COL7A1: variants seen among roughly 807,000 people sequenced by gnomAD.
COL7A1 encodes the protein collagen type VII alpha 1 chain.
A neutral mutation model predicts 456.2 loss-of-function variants in COL7A1; 296 were observed. The observed-to-expected ratio is 0.65, with a 90% CI of 0.59 to 0.71. The LOEUF (loss-of-function observed/expected upper bound fraction) is 0.71. Among genes scored for constraint, COL7A1 ranks in the 30% least tolerant of loss-of-function variants. The pLI is 0.00. For missense variants in COL7A1, 3,441 were observed against 4,017.2 expected (o/e 0.86, Z 3.88); for synonymous variants, 1,464 against 1,525.9 (o/e 0.96, Z 0.95).
Position 48,564,826 on chromosome 3 carries a change from G to C in COL7A1, c.8775C>G (p.Cys2925Trp), listed in dbSNP as rs769046056. 1 of 1,613,858 alleles carries C rather than the reference G, an allele frequency of 6.2e-7. No individual in the cohort carries two copies. The highest frequency in any genetic ancestry group is 1.3e-5 in the African/African-American group (1 of 74,900). The change falls in exon 118 of 119, where the codon TGC becomes TGG. Residue 2925 changes from cysteine to tryptophan, a missense_variant. This residue lies in a region of COL7A1 where 2,084 missense variants were observed against 2,501.3 expected (regional missense o/e 0.83). Transcript: ENST00000681320. This position sits in a 1 kb window ranked among gnomAD's most constrained non-coding sequence, Gnocchi z 6.0. ...CCACCCGGGGTGGGCAGCGGCGCTC[G>C]CAGGCCTCACGGGTCCCAAAACGGT... ...NANRFGTREA[C>W]ERRCPPRVVQ...
chr3:48,567,422 C>T lies in COL7A1; in HGVS notation c.8046+152G>A. 1 of 1,159,724 alleles carries T rather than the reference C, an allele frequency of 8.6e-7. No individual in the cohort carries two copies. The highest frequency in any genetic ancestry group is 1.3e-6 in the Non-Finnish European group (1 of 787,542). The allele number at this position is 1,159,724 out of a possible 1,614,324, so 71.8% of individuals were successfully genotyped here. On this transcript the variant is annotated intron_variant, in intron 109 of 118. Transcript: ENST00000681320. This position sits in a 1 kb window ranked among gnomAD's most constrained non-coding sequence, Gnocchi z 4.3. ...CATCCTAACTCCACTGTGACCCCAA[C>T]CCACCTTGACACCTCGAGACCAGCC...
chr3:48,565,355 C>T lies in COL7A1; in HGVS notation c.8527+55G>A. On this transcript the variant is annotated intron_variant, in intron 116 of 118. Transcript: ENST00000681320. The surrounding 1 kb of genome is among the most constrained non-coding windows in gnomAD (Gnocchi z 4.5). ...CGTGTGCCCTGCATTCATGGACACCCATGTGCGTGTCTCGGCCCCACCCAT... is the reference window on the plus strand; with the variant it reads ...CGTGTGCCCTGCATTCATGGACACCTATGTGCGTGTCTCGGCCCCACCCAT... 1 of 1,555,924 alleles carries T rather than the reference C, an allele frequency of 6.4e-7. No homozygotes were observed. The highest frequency in any genetic ancestry group is 2.4e-5 in the East Asian group (1 of 42,336).
rs1287843961 is a variant in COL7A1, at chr3:48,570,553, A to G, written c.7345-53T>C. 1 of 1,613,624 alleles carries G rather than the reference A, an allele frequency of 6.2e-7. No individual in the cohort carries two copies. The highest frequency in any genetic ancestry group is 8.5e-7 in the Non-Finnish European group (1 of 1,179,816). On this transcript the variant is annotated intron_variant, in intron 96 of 118. Transcript: ENST00000681320. This position sits in a 1 kb window ranked among gnomAD's most constrained non-coding sequence, Gnocchi z 5.5. ...TGTGGCTCTCAAAGCGCCTCCCCCA[A>G]CACCCCACAGTGTGGCCCGCCCCAT...
rs2044797280 is a variant in COL7A1, at chr3:48,582,044, C to T, written c.4636-101G>A. The T allele has an allele frequency of 2.0e-6, 3 of 1,535,192 alleles. No individual in the cohort carries two copies. In the Admixed American group the frequency reaches 5.0e-5, roughly 26 times the overall value. Reference sequence around the variant, plus strand: ...TCACATGGAATTGGAAGTCATACAGCTCAGTCCCCGCCCAGAAGTCACAGA... The same window carrying T: ...TCACATGGAATTGGAAGTCATACAGTTCAGTCCCCGCCCAGAAGTCACAGA... On this transcript the variant is annotated intron_variant, in intron 47 of 118. Coordinates refer to ENST00000681320, the MANE Select transcript of COL7A1 (RefSeq NM_000094.4).
At position 48,565,039 on chromosome 3, in the gene COL7A1, AG is replaced by A; in HGVS notation, c.8621-60del. 1 of 1,611,310 alleles carries A rather than the reference AG, an allele frequency of 6.2e-7. No homozygotes were observed. Among genetic ancestry groups the A allele is most frequent in the Non-Finnish European group, 8.5e-7 (1 of 1,179,024 alleles). Reference sequence around the variant, plus strand: ...GGGAATCAGAGAGGGTTGAAAGGTCAGGGGGAGGTCAGCAGGGCTCAGCCCT... The same window carrying A: ...GGGAATCAGAGAGGGTTGAAAGGTCAGGGGAGGTCAGCAGGGCTCAGCCCT... On this transcript the variant is annotated intron_variant, in intron 117 of 118. Transcript: ENST00000681320. The surrounding 1 kb of genome is among the most constrained non-coding windows in gnomAD (Gnocchi z 4.5).
chr3:48,585,361 T>C lies in COL7A1; in HGVS notation c.3894+196A>G, dbSNP rs921716415. 1.3e-5 allele frequency among the ~76,000 whole-genome samples: 2 copies of C among 152,204 alleles called. No homozygotes were observed. Among genetic ancestry groups the C allele is most frequent in the African/African-American group, 2.4e-5 (1 of 41,448 alleles). On this transcript the variant is annotated intron_variant, in intron 32 of 118. Coordinates refer to ENST00000681320, the MANE Select transcript of COL7A1 (RefSeq NM_000094.4). This position sits in a 1 kb window ranked among gnomAD's most constrained non-coding sequence, Gnocchi z 4.5. Reference sequence around the variant, plus strand: ...GGACTTGGAGCTGCTGCTCAGGCTCTGCAGCGGGGCTAGAGGCCCCACTGG... The same window carrying C: ...GGACTTGGAGCTGCTGCTCAGGCTCCGCAGCGGGGCTAGAGGCCCCACTGG...
rs749410408 is a variant in COL7A1 at position 48,571,191 on chromosome 3, C to CAGGG, written c.7105-35_7105-32dup. Reference sequence around the variant, plus strand: ...AGGAAAAGAGGCATCGGATCAAGCTCAGGGAGTCTCACGACCAGGACCCCA... The same window carrying CAGGG: ...AGGAAAAGAGGCATCGGATCAAGCTCAGGGAGGGAGTCTCACGACCAGGACCCCA... On this transcript the variant is annotated intron_variant, in intron 93 of 118. Coordinates refer to ENST00000681320, the MANE Select transcript of COL7A1 (RefSeq NM_000094.4). This position sits in a 1 kb window ranked among gnomAD's most constrained non-coding sequence, Gnocchi z 4.6. 2 of 1,613,994 alleles carry CAGGG rather than the reference C, an allele frequency of 1.2e-6. No individual in the cohort carries two copies. Among genetic ancestry groups the CAGGG allele is most frequent in the African/African-American group, 2.7e-5 (2 of 74,918 alleles).
Position 48,570,379 on chromosome 3 carries a change from G to C in COL7A1, c.7381-45C>G, listed in dbSNP as rs781025123. The C allele has an allele frequency of 6.2e-7, 1 of 1,613,952 alleles. No homozygotes were observed. The highest frequency in any genetic ancestry group is 8.5e-7 in the Non-Finnish European group (1 of 1,179,872). On this transcript the variant is annotated intron_variant, in intron 97 of 118. Transcript: ENST00000681320. This position sits in a 1 kb window ranked among gnomAD's most constrained non-coding sequence, Gnocchi z 5.5. ...CGGGGATCAGTGAGGGGAATCAGTG[G>C]GGGACGCAGGGTCATGGGAGGTCAG...
At chr3:48,577,195 C>T (rs922606562) in intron 65 of COL7A1, among the ~76,000 whole-genome samples, 168 bp from the exon 66 acceptor site, 1 of 152,254 alleles carries the variant, frequency 6.6e-6, no homozygotes, top group Non-Finnish European at 1.5e-5. Flanking sequence ...TGCTACATGT[C>T]TAAGGGTGTG....
At position 48,564,284 on chromosome 3, in the gene COL7A1, CG is replaced by C; in HGVS notation, c.*121del. The C allele has an allele frequency of 8.2e-7, 1 of 1,226,162 alleles. No homozygotes were observed. Among genetic ancestry groups the C allele is most frequent in the Non-Finnish European group, 1.2e-6 (1 of 838,680 alleles). The allele number at this position is 1,226,162 out of a possible 1,614,324, so 76.0% of individuals were successfully genotyped here. ...CCACGGGACCAAGTCACTGAAATAA[CG>C]GACGTGCACACGCACGCTCACGTGC... On this transcript the variant is annotated 3_prime_UTR_variant, in exon 119 of 119. Coordinates refer to ENST00000681320, the MANE Select transcript of COL7A1 (RefSeq NM_000094.4). This position sits in a 1 kb window ranked among gnomAD's most constrained non-coding sequence, Gnocchi z 6.0.
Position 48,587,749 on chromosome 3 carries a change from G to T in COL7A1, c.2857+44C>A. ...AGTCGGGGTGCAGGAAGTCAGGGTG[G>T]GTCATCAGCAGGGGAGGAGCACGCC... On this transcript the variant is annotated intron_variant, in intron 22 of 118. Transcript: ENST00000681320. The surrounding 1 kb of genome is among the most constrained non-coding windows in gnomAD (Gnocchi z 6.1). 1 of 1,613,220 alleles carries T rather than the reference G, an allele frequency of 6.2e-7. No homozygotes were observed. Among genetic ancestry groups the T allele is most frequent in the South Asian group, 1.1e-5 (1 of 91,080 alleles).
chr3:48,583,823 C>G lies in COL7A1; in HGVS notation c.4279-43G>C. ...AAAATATGAGCCAAGAACTATGAAG[C>G]CCAGCACCCAACCACTGCCCCAGGA... On this transcript the variant is annotated intron_variant, in intron 39 of 118. Coordinates refer to ENST00000681320, the MANE Select transcript of COL7A1 (RefSeq NM_000094.4). The surrounding 1 kb of genome is among the most constrained non-coding windows in gnomAD (Gnocchi z 5.1). 1 of 1,613,504 alleles carries G rather than the reference C, an allele frequency of 6.2e-7. No individual in the cohort carries two copies. The highest frequency in any genetic ancestry group is 8.5e-7 in the Non-Finnish European group (1 of 1,179,690).
rs938920266 is a variant in COL7A1, at chr3:48,568,968, G to A, written c.7687-113C>T. On this transcript the variant is annotated intron_variant, in intron 103 of 118. Coordinates refer to ENST00000681320, the MANE Select transcript of COL7A1 (RefSeq NM_000094.4). The surrounding 1 kb of genome is among the most constrained non-coding windows in gnomAD (Gnocchi z 5.2). Reference sequence around the variant, plus strand: ...CTCAAGTCACTCCCGAACGGCCCTAGCAGCACGTCCTCCCAGCCTGTGCCA... The same window carrying A: ...CTCAAGTCACTCCCGAACGGCCCTAACAGCACGTCCTCCCAGCCTGTGCCA... The A allele has an allele frequency of 9.8e-7, 1 of 1,021,952 alleles. No homozygotes were observed. Among genetic ancestry groups the A allele is most frequent in the Admixed American group, 2.0e-5 (1 of 50,144 alleles). 63.3% of individuals were successfully genotyped at this position (1,021,952 alleles called of 1,614,324 possible). A position where few individuals can be genotyped will look rare whatever the true frequency, so the allele number is the denominator to read the frequency against.
rs992327657 is a variant in COL7A1 at position 48,584,914 on chromosome 3, T to G, written c.4007A>C (p.Asp1336Ala). 1 of 1,613,636 alleles carries G rather than the reference T, an allele frequency of 6.2e-7. No homozygotes were observed. Among genetic ancestry groups the G allele is most frequent in the African/African-American group, 1.3e-5 (1 of 74,804 alleles). ...AAAGAAGGGAAGGCACCTTACCGGG[T>G]CCCCACGAGGGCCAGGCAACCCTGG... Reference protein sequence around the residue: ...GSPGLPGPRGDPGERGPRGPK... With the variant: ...GSPGLPGPRGAPGERGPRGPK... The change falls in exon 34 of 119, where the codon GAC becomes GCC. Residue 1336 changes from aspartate to alanine, a missense_variant. Around this residue, in one of 3 missense-constraint regions of COL7A1, gnomAD observed 2,084 missense variants for 2,501.3 expected, o/e 0.83. Transcript: ENST00000681320.
In COL7A1 at chr3:48,567,112, C is replaced by G. The variant is rs765289524; in HGVS notation, c.8109+16G>C. The G allele has an allele frequency of 1.2e-6, 2 of 1,613,470 alleles. No homozygotes were observed. The highest frequency in any genetic ancestry group is 1.7e-6 in the Non-Finnish European group (2 of 1,179,830). ...CACGCTCCCCTCAATTCACCATGAC[C>G]ATGGCTTCAACTCACCCGCTCCCCT... is the stretch of plus-strand genomic sequence containing the variant. On this transcript the variant is annotated intron_variant, in intron 110 of 118. Transcript: ENST00000681320. This position sits in a 1 kb window ranked among gnomAD's most constrained non-coding sequence, Gnocchi z 4.3.
In COL7A1 at chr3:48,575,963, G is replaced by A. The variant is rs9881877; in HGVS notation, c.5821-61C>T. The A allele has an allele frequency of 0.057, 91,496 of 1,612,342 alleles. 7,915 individuals are homozygous for A. Among genetic ancestry groups the A allele is most frequent in the African/African-American group, 0.4 (30,197 of 74,904 alleles). ...CAGAGAAGCTCCTGCCTTCTGCCCC[G>A]CACGGCCTCAGGAAAGCACCTTCAC... On this transcript the variant is annotated intron_variant, in intron 71 of 118. Transcript: ENST00000681320. The surrounding 1 kb of genome is among the most constrained non-coding windows in gnomAD (Gnocchi z 6.3).
At chr3:48,576,594 C>T in intron 68 of COL7A1, 37 bp from the exon 69 acceptor site, 1 of 1,597,448 alleles carries the variant, frequency 6.3e-7, no homozygotes, top group African/African-American at 1.3e-5. Context: ...TCACAAAGGC[C>T]CATGGCTTCC....
chr3:48,571,869 C>T lies in COL7A1; in HGVS notation c.7068+132G>A, dbSNP rs114500901. On this transcript the variant is annotated intron_variant, in intron 92 of 118. Transcript: ENST00000681320. This position sits in a 1 kb window ranked among gnomAD's most constrained non-coding sequence, Gnocchi z 4.6. ...GTGTGGCTCCCTGTGATCCAGAGAGCAGGCTCCTGGATGTTGGGACATGCA... is the reference window on the plus strand; with the variant it reads ...GTGTGGCTCCCTGTGATCCAGAGAGTAGGCTCCTGGATGTTGGGACATGCA... 606 of 1,104,954 alleles carry T rather than the reference C, an allele frequency of 5.5e-4. 3 individuals carry two copies. In the African/African-American group the frequency reaches 8.6e-3, roughly 16 times the overall value. 68.4% of individuals were successfully genotyped at this position (1,104,954 alleles called of 1,614,324 possible). A position where few individuals can be genotyped will look rare whatever the true frequency, so the allele number is the denominator to read the frequency against.
In COL7A1 at chr3:48,581,414, A is replaced by G; in HGVS notation, c.4818+34T>C. ...GTTCTCAAGGGGAGGGGACCCCAGA[A>G]GCCTTGAGGTTGCCCAGGGTAACGG... On this transcript the variant is annotated intron_variant, in intron 51 of 118. Transcript: ENST00000681320. This position sits in a 1 kb window ranked among gnomAD's most constrained non-coding sequence, Gnocchi z 5.8. 1 of 1,613,870 alleles carries G rather than the reference A, an allele frequency of 6.2e-7. No homozygotes were observed. Among genetic ancestry groups the G allele is most frequent in the Non-Finnish European group, 8.5e-7 (1 of 1,179,980 alleles).
Sources: allele counts gnomAD v4.1 joint callset (sites outside exome capture counted in the v4.1 genomes callset), GRCh38; gene constraint gnomAD v4.1.1; regional missense constraint gnomAD v4.1.1; non-coding constraint Gnocchi (gnomAD v3.1); transcripts MANE v1.5; gene names NCBI Gene and HGNC (gene_info 2026-07-23, HGNC 2026-07-21).